The following TARBP1 variants were observed in gnomAD, a reference collection of about 807,000 sequenced individuals.
TARBP1 encodes the protein tRNA (guanosine(18)-2'-O)-methyltransferase TARBP1.
A neutral mutation model predicts 178.6 loss-of-function variants in TARBP1; 144 were observed. The observed-to-expected ratio is 0.81, with a 90% CI of 0.70 to 0.93. The LOEUF is 0.93. Among genes scored for constraint, TARBP1 ranks in the 40% least tolerant of loss-of-function variants. The pLI is 0.00. For missense variants in TARBP1, 2,067 were observed against 2,011.7 expected (o/e 1.03, Z -0.53); for synonymous variants, 787 against 781.0 (o/e 1.01, Z -0.13).
intron 3 of TARBP1, among the ~76,000 whole-genome samples, chr1:234,470,925 G>C (rs1668986198): frequency 6.6e-6 from 1 of 152,050 alleles, no homozygotes; most frequent in African/African-American, 2.4e-5. Flanking sequence ...CCAAAATTGT[G>C]CTCTTAAAGA....
At chr1:234,471,422 T>G (rs567446700) in intron 2 of TARBP1, among the ~76,000 whole-genome samples, 165 bp from the exon 3 acceptor site, 1 of 152,236 alleles carries the variant, frequency 6.6e-6, no homozygotes, top group Non-Finnish European at 1.5e-5. Context: ...TTCAGGTATG[T>G]AAGACTGAGT....
At chr1:234,405,821 T>C in intron 24 of TARBP1, 82 bp downstream of exon 24, 4 of 1,335,258 alleles carry the variant, frequency 3.0e-6, no homozygotes, top group Non-Finnish European at 3.1e-6. Flanking sequence ...AAGGAGAAGC[T>C]GACACAGTAT....
At chr1:234,425,170 A>G (rs1663588901) in intron 20 of TARBP1, among the ~76,000 whole-genome samples, 1 of 152,022 alleles carries the variant, frequency 6.6e-6, no homozygotes, top group Non-Finnish European at 1.5e-5. Flanking sequence ...GGTTGCAGTG[A>G]GCCGAGATCC....
intron 19 of TARBP1, 117 bp from the exon 20 acceptor site, chr1:234,425,910 A>G: frequency 1.3e-6 from 1 of 757,506 alleles, no homozygotes; most frequent in Non-Finnish European, 2.1e-6. Flanking sequence ...TCTAAAATTA[A>G]GTAGGTCCAT....
intron 26 of TARBP1, among the ~76,000 whole-genome samples, chr1:234,396,395 C>A (rs1659936883): frequency 1.3e-5 from 2 of 152,176 alleles, no homozygotes; most frequent in Non-Finnish European, 2.9e-5. Flanking sequence ...CTTGCCTTGC[C>A]TTGCCCATAC....
intron 20 of TARBP1, among the ~76,000 whole-genome samples, chr1:234,423,925 A>G (rs756157069): frequency 6.6e-5 from 10 of 151,998 alleles, no homozygotes; most frequent in African/African-American, 9.7e-5. Context: ...TATATATTAT[A>G]ACATGTATTT....
intron 2 of TARBP1, 48 bp downstream of exon 2, chr1:234,472,666 A>T: frequency 7.6e-7 from 1 of 1,322,736 alleles, no homozygotes; most frequent in Non-Finnish European, 1.0e-6. Flanking sequence ...TTTAAAAAAG[A>T]AAAATTGTTA....
Position 234,395,941 on chromosome 1 carries a change from G to A in TARBP1, c.4244-2104C>T, listed in dbSNP as rs141062138. On this transcript the variant is annotated intron_variant, in intron 26 of 29. Transcript: ENST00000040877. ...GATTTTCCATGTTCTCATCACAAACGTGAGAGGTGACAGATATGCTAATTA... is the reference window on the plus strand; with the variant it reads ...GATTTTCCATGTTCTCATCACAAACATGAGAGGTGACAGATATGCTAATTA... Among the ~76,000 whole-genome samples, 1,075 of 152,198 alleles carry A rather than the reference G, an allele frequency of 7.1e-3. 12 individuals carry two copies. Among genetic ancestry groups the A allele is most frequent in the African/African-American group, 0.023 (957 of 41,520 alleles).
intron 1 of TARBP1, among the ~76,000 whole-genome samples, chr1:234,473,762 T>C (rs1460783164): frequency 1.3e-5 from 2 of 152,150 alleles, no homozygotes; most frequent in Admixed American, 6.5e-5. Flanking sequence ...TAAACATAAA[T>C]AGGGATCTAA....
chr1:234,468,443 G>A (rs1486599559), intron 3 of TARBP1, among the ~76,000 whole-genome samples: 7 of 152,102 alleles, frequency 4.6e-5, no homozygotes, highest in Admixed American at 4.6e-4. Flanking sequence ...ACTCCAGCTT[G>A]GGCAACAGAG....
chr1:234,474,245 AACACACACAC>A (rs35976593), intron 1 of TARBP1, among the ~76,000 whole-genome samples: 51 of 81,588 alleles, frequency 6.3e-4, no homozygotes, highest in Admixed American at 2.4e-3. Flanking sequence ...TTGTCTCTAA[AACACACACAC>A]ACACACACAC....
At chr1:234,447,187 A>G (rs1283334725) in intron 11 of TARBP1, among the ~76,000 whole-genome samples, 1 of 152,144 alleles carries the variant, frequency 6.6e-6, no homozygotes, top group African/African-American at 2.4e-5. Context: ...GGCACAGGGA[A>G]GAACCACTGT....
At chr1:234,436,894 G>A (rs1017848760) in intron 13 of TARBP1, among the ~76,000 whole-genome samples, 7 of 152,280 alleles carry the variant, frequency 4.6e-5, no homozygotes, top group Middle Eastern at 3.4e-3. Context: ...AATCACTGAT[G>A]GAGCTTTAAC....
rs141150345 is a variant in TARBP1 at position 234,430,159 on chromosome 1, T to G, written c.2537A>C (p.Gln846Pro). Residue 846 changes from glutamine to proline, a missense_variant, in exon 15 of 30, where the codon CAG (glutamine) becomes CCG (proline). By Grantham distance (76) the Gln-to-Pro change is moderately conservative. Transcript: ENST00000040877. ...GPLESFLSSLQLNQTLQKPHA... is the reference protein window; with the variant it reads ...GPLESFLSSLPLNQTLQKPHA... The stretch of plus-strand genomic sequence containing the variant: ...GGGCTTCTGCAGCGTCTGATTGAGC[T>G]GAAGAGAGGAAAGGAAGCTTTCCAG... 126 of 1,614,160 alleles carry G rather than the reference T, an allele frequency of 7.8e-5. No homozygotes were observed. The African/African-American group carries it at 1.6e-3, about 21-fold the overall frequency.
intron 1 of TARBP1, among the ~76,000 whole-genome samples, chr1:234,477,159 T>C (rs1367554504): frequency 6.6e-6 from 1 of 152,160 alleles, no homozygotes; most frequent in Non-Finnish European, 1.5e-5. Flanking sequence ...CATTCCAGCC[T>C]GGGCAACAAG....
intron 7 of TARBP1, 109 bp from the exon 8 acceptor site, chr1:234,459,435 G>T: frequency 5.0e-6 from 4 of 793,716 alleles, no homozygotes; most frequent in Non-Finnish European, 7.9e-6. Flanking sequence ...AATGCAGAAA[G>T]TCTGCAGAAT....
At position 234,447,394 on chromosome 1, in the gene TARBP1, C is replaced by CTTTTTTTTTTTTTT. The variant is rs36066908; in HGVS notation, c.1962-433_1962-420dup. 2.0e-4 allele frequency among the ~76,000 whole-genome samples: 21 copies of CTTTTTTTTTTTTTT among 104,626 alleles called. 1 individual carries two copies. The highest frequency in any genetic ancestry group is 5.9e-4 in the East Asian group (2 of 3,394). The allele number at this position is 104,626 out of a possible 152,430, so 68.6% of individuals were successfully genotyped here. On this transcript the variant is annotated intron_variant, in intron 11 of 29. Coordinates refer to ENST00000040877, the MANE Select transcript of TARBP1 (RefSeq NM_005646.4). ...GGATTTATTAAAAACTGTTAACCAA[C>CTTTTTTTTTTTTTT]TTTTTTTTTTTTTTTTTTGAGATGG...
At chr1:234,474,772 A>G (rs1669427418) in intron 1 of TARBP1, among the ~76,000 whole-genome samples, 3 of 152,230 alleles carry the variant, frequency 2.0e-5, no homozygotes, top group Admixed American at 6.5e-5. Context: ...AGGCATTTAG[A>G]TATGTATCGT....
chr1:234,410,839 G>A (rs1428827853), intron 22 of TARBP1, among the ~76,000 whole-genome samples: 1 of 152,272 alleles, frequency 6.6e-6, no homozygotes, highest in Non-Finnish European at 1.5e-5. Context: ...TTGGGAGGCT[G>A]AGGCGGGTGG....
Sources: gnomAD v4.1 joint callset for allele counts (sites outside exome capture counted in the v4.1 genomes callset) on GRCh38, gnomAD v4.1.1 for gene constraint, MANE v1.5 for transcripts, NCBI Gene and HGNC (gene_info 2026-07-23, HGNC 2026-07-21) for gene names.